TNFRSF10D: variants seen among roughly 807,000 people sequenced by gnomAD.
The protein encoded by TNFRSF10D is TNF receptor superfamily member 10d.
In TNFRSF10D, 28 loss-of-function variants were observed where a neutral mutation model predicts 42.1. That is an observed-to-expected ratio of 0.66 (90% CI 0.49 to 0.91). TNFRSF10D has a LOEUF of 0.91. TNFRSF10D is among the 40% of genes least tolerant of loss of function. The pLI is 0.00. For missense variants in TNFRSF10D, 503 were observed against 486.1 expected (o/e 1.03, Z -0.33); for synonymous variants, 186 against 189.4 (o/e 0.98, Z 0.15).
chr8:23,162,344 C>T (rs1007360008), intron 1 of TNFRSF10D, among the ~76,000 whole-genome samples: 36 of 152,358 alleles, frequency 2.4e-4, no homozygotes, highest in African/African-American at 8.2e-4. Context: ...CACAGCCATT[C>T]TTCTAGCTGC....
intron 1 of TNFRSF10D, among the ~76,000 whole-genome samples, chr8:23,155,589 G>A (rs1800266272): frequency 6.6e-6 from 1 of 151,782 alleles, no homozygotes; most frequent in South Asian, 2.1e-4. Flanking sequence ...CATGGTGGCG[G>A]GCACCTGTAA....
intron 1 of TNFRSF10D, among the ~76,000 whole-genome samples, chr8:23,159,281 G>A (rs143116429): frequency 5.9e-3 from 877 of 149,242 alleles, no homozygotes; most frequent in African/African-American, 0.018. Flanking sequence ...ACTATTATCA[G>A]TTAAAGGCTA....
intron 8 of TNFRSF10D, 51 bp downstream of exon 8, chr8:23,138,137 C>G (rs200162911): frequency 1.3e-5 from 21 of 1,612,692 alleles, no homozygotes; most frequent in Non-Finnish European, 1.7e-5. Context: ...AGTTAGGACA[C>G]CGTCCCTATT....
intron 2 of TNFRSF10D, among the ~76,000 whole-genome samples, chr8:23,148,930 C>T (rs1046848795): frequency 1.3e-5 from 2 of 151,432 alleles, no homozygotes; most frequent in Non-Finnish European, 2.9e-5. Context: ...GTGGCTCACG[C>T]CTGTAATCCC....
intron 7 of TNFRSF10D, among the ~76,000 whole-genome samples, chr8:23,141,730 T>A (rs6993553): frequency 3.7e-4 from 56 of 152,240 alleles, no homozygotes; most frequent in African/African-American, 1.3e-3. Context: ...CTCATCATCA[T>A]GAATCATCAG....
intron 4 of TNFRSF10D, 98 bp downstream of exon 4, chr8:23,146,863 G>T: frequency 1.9e-6 from 2 of 1,077,244 alleles, no homozygotes; most frequent in Non-Finnish European, 1.4e-6. Flanking sequence ...CCTCGGGCCT[G>T]GAGGATCCAT....
chr8:23,164,010 G>A lies in TNFRSF10D; in HGVS notation c.-75C>T. On this transcript the variant is annotated 5_prime_UTR_variant, in exon 1 of 9. Transcript: ENST00000312584. The stretch of plus-strand genomic sequence containing the variant: ...TCCCCGTAGTTTGTGCGCGTGCAAA[G>A]GTTCTCGCAGCTACACTGCCAGAAT... 9 of 1,459,406 alleles carry A rather than the reference G, an allele frequency of 6.2e-6. No homozygotes were observed. The highest frequency in any genetic ancestry group is 3.6e-4 in the Middle Eastern group (2 of 5,532). 90.4% of individuals were successfully genotyped at this position (1,459,406 alleles called of 1,614,324 possible). A position where few individuals can be genotyped will look rare whatever the true frequency, so the allele number is the denominator to read the frequency against.
chr8:23,153,521 T>C (rs900616685), intron 2 of TNFRSF10D, among the ~76,000 whole-genome samples: 1 of 152,150 alleles, frequency 6.6e-6, no homozygotes, highest in Non-Finnish European at 1.5e-5. Flanking sequence ...CTCAATAGTA[T>C]GCAATCAAAT....
Position 23,154,994 on chromosome 8 carries a change from C to A in TNFRSF10D, c.151-15G>T. 2 of 1,593,446 alleles carry A rather than the reference C, an allele frequency of 1.3e-6. No individual in the cohort carries two copies. Among genetic ancestry groups the A allele is most frequent in the East Asian group, 2.3e-5 (1 of 44,026 alleles). On this transcript the variant is annotated splice_polypyrimidine_tract_variant and intron_variant, in intron 1 of 8. Transcript: ENST00000312584. Reference sequence around the variant, plus strand: ...TCAACCCGGACCTGTGGGGACAAGGCAGAGATGGGCTTGAGTGGCTTCCAG... The same window carrying A: ...TCAACCCGGACCTGTGGGGACAAGGAAGAGATGGGCTTGAGTGGCTTCCAG...
rs998952734 is a variant in TNFRSF10D, at chr8:23,137,657, T to C, written c.*213A>G. ...TAACTATGCAGCCAAGAATCTGATA[T>C]AAATTTCTCCCGTTTGCTTATCACA... On this transcript the variant is annotated 3_prime_UTR_variant, in exon 9 of 9. Coordinates refer to ENST00000312584, the MANE Select transcript of TNFRSF10D (RefSeq NM_003840.5). 1.8e-6 allele frequency: 1 copy of C among 557,042 alleles called. No individual in the cohort carries two copies. Among genetic ancestry groups the C allele is most frequent in the Non-Finnish European group, 3.0e-6 (1 of 334,004 alleles). 34.5% of individuals were successfully genotyped at this position (557,042 alleles called of 1,614,324 possible).
At chr8:23,148,916 C>T (rs1294490585) in intron 2 of TNFRSF10D, among the ~76,000 whole-genome samples, 1 of 151,114 alleles carries the variant, frequency 6.6e-6, no homozygotes, top group Admixed American at 6.6e-5. Flanking sequence ...TTTGGCCAGG[C>T]ACGGTGGCTC....
chr8:23,146,963 T>C lies in TNFRSF10D; in HGVS notation c.480A>G (p.Thr160=). The C allele has an allele frequency of 1.9e-6, 3 of 1,613,870 alleles. No individual in the cohort carries two copies. Among genetic ancestry groups the C allele is most frequent in the Non-Finnish European group, 2.5e-6 (3 of 1,179,750 alleles). Residue 160 remains threonine, a splice_region_variant and synonymous_variant, in exon 4 of 9, where the codon ACA becomes ACG. Transcript: ENST00000312584. ...GGAGCCCCTGGCTGCTGTCTTACCC[T>C]GTTCTACACGTCCGGCACATCTCAG... is the stretch of plus-strand genomic sequence containing the variant. ...NSPEMCRTCR[T]GCPRGMVKVS...
intron 7 of TNFRSF10D, among the ~76,000 whole-genome samples, chr8:23,140,375 GACACACAC>G (rs71546853): frequency 0.3 from 43,833 of 145,242 alleles, 6,755 homozygotes; most frequent in Middle Eastern, 0.39. Context: ...ATTTACAACA[GACACACAC>G]ACACACACAC....
At chr8:23,154,796 TCATGG>T in intron 2 of TNFRSF10D, 73 bp downstream of exon 2, 1 of 1,439,368 alleles carries the variant, frequency 6.9e-7, no homozygotes, top group East Asian at 2.5e-5. Context: ...TTTCCAAACA[TCATGG>T]TGTACACCAT....
chr8:23,136,776 T>G lies in TNFRSF10D; in HGVS notation c.*1094A>C, dbSNP rs1348382715. 1 of 151,862 alleles carries G rather than the reference T, an allele frequency of 6.6e-6. No individual in the cohort carries two copies. Among genetic ancestry groups the G allele is most frequent in the East Asian group, 1.9e-4 (1 of 5,192 alleles). The allele number at this position is 151,862 out of a possible 1,614,324, so 9.4% of individuals were successfully genotyped here. A position where few individuals can be genotyped will look rare whatever the true frequency, so the allele number is the denominator to read the frequency against. ...TCAAAATCCTGGGCATATGTAAACA[T>G]CTACTTATAAATAAATAAATAAATA... On this transcript the variant is annotated 3_prime_UTR_variant, in exon 9 of 9. Transcript: ENST00000312584.
chr8:23,145,300 C>T lies in TNFRSF10D; in HGVS notation c.737-211G>A, dbSNP rs570499635. 3.3e-3 allele frequency among the ~76,000 whole-genome samples: 502 copies of T among 152,326 alleles called. 4 individuals are homozygous for T. Among genetic ancestry groups the T allele is most frequent in the African/African-American group, 0.012 (481 of 41,574 alleles). ...GAGTAAAAACCAACACGTGGAAAAT[C>T]TCTGTGTTCTGCTCTGACCAAGGCT... On this transcript the variant is annotated intron_variant, in intron 5 of 8. Coordinates refer to ENST00000312584, the MANE Select transcript of TNFRSF10D (RefSeq NM_003840.5).
intron 6 of TNFRSF10D, 87 bp downstream of exon 6, chr8:23,144,971 A>G (rs1800093591): frequency 6.3e-7 from 1 of 1,587,348 alleles, no homozygotes; most frequent in Non-Finnish European, 8.6e-7. Flanking sequence ...CATGAGGACA[A>G]GGGATTGTGC....
In TNFRSF10D at chr8:23,136,005, C is replaced by T. The variant is rs1282499535; in HGVS notation, c.*1865G>A. 4.6e-6 allele frequency: 2 copies of T among 433,686 alleles called. No homozygotes were observed. Among genetic ancestry groups the T allele is most frequent in the African/African-American group, 2.0e-5 (1 of 49,672 alleles). 26.9% of individuals were successfully genotyped at this position (433,686 alleles called of 1,614,324 possible). ...GATGGAAGTGCGAAGACCGGAAAGG[C>T]CATCCCCTCCTAAAACTCCATGGAC... On this transcript the variant is annotated 3_prime_UTR_variant, in exon 9 of 9. Transcript: ENST00000312584.
chr8:23,162,732 G>GAC (rs879910336), intron 1 of TNFRSF10D, among the ~76,000 whole-genome samples: 4 of 152,172 alleles, frequency 2.6e-5, no homozygotes, highest in Non-Finnish European at 4.4e-5. Context: ...ATACAGAGGG[G>GAC]ACACACGGGT....
Sources: allele counts gnomAD v4.1 joint callset (sites outside exome capture counted in the v4.1 genomes callset), GRCh38; gene constraint gnomAD v4.1.1; transcripts MANE v1.5; gene names NCBI Gene and HGNC (gene_info 2026-07-23, HGNC 2026-07-21).